GOLGA1: variants seen among roughly 807,000 people sequenced by gnomAD.
GOLGA1 encodes golgin A1.
Under a neutral mutation model 119.7 loss-of-function variants are expected in GOLGA1, and 63 were observed. That is an observed-to-expected ratio of 0.53 (90% CI 0.43 to 0.65). The LOEUF is 0.65. GOLGA1 is among the 30% of genes least tolerant of loss of function. GOLGA1 has a pLI of 0.00. For missense variants in GOLGA1, 798 were observed against 912.8 expected (o/e 0.87, Z 1.62); for synonymous variants, 318 against 333.4 (o/e 0.95, Z 0.50).
rs1829797734 is a variant in GOLGA1, at chr9:124,889,196, G to C, written c.1708C>G (p.Leu570Val). ...AAVVAEQEDL[L>V]RLRGPLQAEA... ...GCCTGCAATGGGCCCCGCAGCCTCA[G>C]CAGGTCCTCCTGCTCCGCGACCACT... The change falls in exon 18 of 23, where the codon CTG becomes GTG. Residue 570 changes from leucine (L) to valine (V), a missense_variant. By Grantham distance (32) the Leu-to-Val change is conservative. Coordinates refer to ENST00000373555, the MANE Select transcript of GOLGA1 (RefSeq NM_002077.4). 1 of 1,612,874 alleles carries C rather than the reference G, an allele frequency of 6.2e-7. No individual in the cohort carries two copies. The highest frequency in any genetic ancestry group is 1.1e-5 in the South Asian group (1 of 91,024).
Position 124,924,370 on chromosome 9 carries a change from C to T in GOLGA1, c.433-1147G>A, listed in dbSNP as rs144562546. Among the ~76,000 whole-genome samples, 266 of 152,236 alleles carry T rather than the reference C, an allele frequency of 1.7e-3. 9 individuals are homozygous for T. Among genetic ancestry groups the T allele is most frequent in the Admixed American group, 0.015 (236 of 15,284 alleles). ...ATCATTTCTAGCAGTGGACTCTTGC[C>T]TCTAATCCCAGCACTTTGGGAGGCC... is the stretch of plus-strand genomic sequence containing the variant. On this transcript the variant is annotated intron_variant, in intron 7 of 22. Coordinates refer to ENST00000373555, the MANE Select transcript of GOLGA1 (RefSeq NM_002077.4).
At chr9:124,906,525 G>A (rs1223993253) in intron 12 of GOLGA1, among the ~76,000 whole-genome samples, 3 of 152,122 alleles carry the variant, frequency 2.0e-5, no homozygotes, top group African/African-American at 7.2e-5. Context: ...CAAGGCAGGC[G>A]GATCATCTGA....
Position 124,904,668 on chromosome 9 carries a change from G to A in GOLGA1, c.1065+3709C>T, listed in dbSNP as rs377687364. Among the ~76,000 whole-genome samples the A allele has an allele frequency of 1.3e-3, 204 of 152,176 alleles. 3 individuals carry two copies. The highest frequency in any genetic ancestry group is 4.5e-3 in the African/African-American group (188 of 41,520). On this transcript the variant is annotated intron_variant, in intron 12 of 22. Transcript: ENST00000373555. ...CACTAAAAATACAAAAAGGCTGGGC[G>A]CAGTGGCTCACGCCTGTAATCCTAC...
chr9:124,938,580 G>T lies in GOLGA1; in HGVS notation c.132C>A (p.Asp44Glu). The T allele has an allele frequency of 6.2e-7, 1 of 1,610,886 alleles. No homozygotes were observed. The highest frequency in any genetic ancestry group is 8.5e-7 in the Non-Finnish European group (1 of 1,178,070). Residue 44 changes from aspartate (D) to glutamate (E), a missense_variant, in exon 3 of 23, where the codon GAC becomes GAA. Physicochemically the swap from Asp to Glu is conservative, Grantham distance 45. Transcript: ENST00000373555. ...VASMGADSGDDFASDGSSSRE... is the reference protein window; with the variant it reads ...VASMGADSGDEFASDGSSSRE... The stretch of plus-strand genomic sequence containing the variant: ...TTTCTTAAGTAAAGGTACTTACAAA[G>T]TCATCTCCTGAGTCAGCTCCCATTG...
intron 19 of GOLGA1, 88 bp from the exon 20 acceptor site, chr9:124,882,657 T>A: frequency 9.8e-7 from 1 of 1,024,912 alleles, no homozygotes; most frequent in South Asian, 1.3e-5. Context: ...CGGGATCCCC[T>A]GTACACCTGT....
chr9:124,921,414 G>GAA (rs1830567356), intron 9 of GOLGA1, among the ~76,000 whole-genome samples, 174 bp from the exon 10 acceptor site: 1 of 152,126 alleles, frequency 6.6e-6, no homozygotes, highest in Admixed American at 6.6e-5. Flanking sequence ...AGCCCAAAGA[G>GAA]AAAAAGTCCA....
At position 124,922,147 on chromosome 9, in the gene GOLGA1, G is replaced by C. The variant is rs536260454; in HGVS notation, c.562-255C>G. Among the ~76,000 whole-genome samples, 4 of 151,828 alleles carry C rather than the reference G, an allele frequency of 2.6e-5. No individual in the cohort carries two copies. In the South Asian group the frequency reaches 8.3e-4, roughly 32 times the overall value. ...GGAGGCTGAGGCGGGAGAATCACTT[G>C]AACCCGGGAGGTGGAGGTTGCAATT... is the stretch of plus-strand genomic sequence containing the variant. On this transcript the variant is annotated intron_variant, in intron 8 of 22. Coordinates refer to ENST00000373555, the MANE Select transcript of GOLGA1 (RefSeq NM_002077.4).
At chr9:124,905,158 TAATAA>T (rs1366176628) in intron 12 of GOLGA1, among the ~76,000 whole-genome samples, 2 of 146,686 alleles carry the variant, frequency 1.4e-5, no homozygotes, top group Non-Finnish European at 3.0e-5. Context: ...AAAATAATAA[TAATAA>T]AATAAAATAA....
At chr9:124,885,689 G>A (rs1395579751) in intron 19 of GOLGA1, among the ~76,000 whole-genome samples, 1 of 152,018 alleles carries the variant, frequency 6.6e-6, no homozygotes, top group African/African-American at 2.4e-5. Context: ...GAGGTTGGAG[G>A]GTACTTGATG....
At chr9:124,886,376 G>A (rs578191530) in intron 19 of GOLGA1, among the ~76,000 whole-genome samples, 35 of 152,294 alleles carry the variant, frequency 2.3e-4, no homozygotes, top group African/African-American at 8.2e-4. Context: ...GGAGCTTCAG[G>A]AGGAGGAAGA....
At chr9:124,945,422 GCACA>G (rs1831130486), upstream of GOLGA1, 2 of 152,124 alleles carry the variant, frequency 1.3e-5, no homozygotes, top group African/African-American at 2.4e-5. Context: ...GGTCGTGGTG[GCACA>G]CGCCTGTAAT....
At chr9:124,924,870 G>A (rs992677604) in intron 7 of GOLGA1, among the ~76,000 whole-genome samples, 4 of 151,330 alleles carry the variant, frequency 2.6e-5, no homozygotes, top group African/African-American at 9.7e-5. Context: ...ACGAGGTCAG[G>A]AGATCGAGAC....
intron 20 of GOLGA1, 69 bp downstream of exon 20, chr9:124,882,441 C>T: frequency 8.5e-7 from 1 of 1,178,156 alleles, no homozygotes; most frequent in Non-Finnish European, 1.3e-6. Flanking sequence ...CGAGGGACCT[C>T]AGGAGGACCG....
At chr9:124,922,794 G>A (rs1016293112) in intron 8 of GOLGA1, among the ~76,000 whole-genome samples, 1 of 151,322 alleles carries the variant, frequency 6.6e-6, no homozygotes, top group African/African-American at 2.4e-5. Flanking sequence ...AAAAAATGTG[G>A]ACCAATAGCC....
chr9:124,909,965 C>G (rs1031710499), intron 11 of GOLGA1, among the ~76,000 whole-genome samples: 3 of 152,002 alleles, frequency 2.0e-5, no homozygotes, highest in Non-Finnish European at 2.9e-5. Context: ...GAGACAGAGT[C>G]TCGCTCTGTC....
chr9:124,901,852 G>C (rs1486765761), intron 12 of GOLGA1, among the ~76,000 whole-genome samples: 2 of 152,152 alleles, frequency 1.3e-5, no homozygotes, highest in African/African-American at 4.8e-5. Flanking sequence ...TGGAATTACT[G>C]TTCACAATAC....
At chr9:124,883,322 G>A (rs996183625) in intron 19 of GOLGA1, among the ~76,000 whole-genome samples, 2 of 151,348 alleles carry the variant, frequency 1.3e-5, no homozygotes, top group African/African-American at 2.4e-5. Flanking sequence ...TTTCACTCTT[G>A]TTGCCCAGGT....
intron 4 of GOLGA1, 128 bp downstream of exon 4, chr9:124,931,188 C>G: frequency 1.6e-6 from 1 of 607,364 alleles, no homozygotes. Context: ...TATACTTGCT[C>G]CTTTCTAAAA....
chr9:124,921,355 C>T, intron 9 of GOLGA1, 115 bp from the exon 10 acceptor site: 2 of 703,610 alleles, frequency 2.8e-6, no homozygotes, highest in Non-Finnish European at 5.0e-6. Context: ...GCATCATTAG[C>T]CACATGCAGG....
Sources: gnomAD v4.1 joint callset for allele counts (sites outside exome capture counted in the v4.1 genomes callset) on GRCh38, gnomAD v4.1.1 for gene constraint, MANE v1.5 for transcripts, NCBI Gene and HGNC (gene_info 2026-07-23, HGNC 2026-07-21) for gene names.